The following SOS2 variants were observed in gnomAD, a reference collection of about 807,000 sequenced individuals.
SOS2 encodes the protein SOS Ras/Rho guanine nucleotide exchange factor 2.
In SOS2, 65 loss-of-function variants were observed where a neutral mutation model predicts 148.2. The ratio of observed to expected loss-of-function variants is 0.44; its 90% CI spans 0.36 to 0.54. SOS2 has a LOEUF of 0.54. SOS2 is among the 20% of genes least tolerant of loss of function. The pLI, the probability that SOS2 is intolerant of heterozygous loss-of-function variation, is 0.00. For missense variants in SOS2, 1,341 were observed against 1,590.2 expected (o/e 0.84, Z 2.67); for synonymous variants, 539 against 537.1 (o/e 1.00, Z -0.05).
chr14:50,178,670 G>GTATATATATATATATATATATA (rs1566839555), intron 7 of SOS2, among the ~76,000 whole-genome samples: 1 of 67,964 alleles, frequency 1.5e-5, no homozygotes, highest in South Asian at 4.7e-4. Flanking sequence ...GTGTGTGTGT[G>GTATATATATATATATATATATA]CATATATATA....
At chr14:50,164,197 C>T (rs1319857529) in intron 8 of SOS2, among the ~76,000 whole-genome samples, 3 of 152,084 alleles carry the variant, frequency 2.0e-5, no homozygotes, top group Non-Finnish European at 2.9e-5. Context: ...TCCCAACATA[C>T]TGGGAGGCCA....
chr14:50,168,682 G>T (rs185553895), intron 8 of SOS2, among the ~76,000 whole-genome samples: 1 of 152,068 alleles, frequency 6.6e-6, no homozygotes, highest in East Asian at 1.9e-4. Context: ...ATGCCGTTTC[G>T]TGATACTGTT....
chr14:50,123,665 G>T (rs1465525386), intron 21 of SOS2, among the ~76,000 whole-genome samples: 1 of 152,102 alleles, frequency 6.6e-6, no homozygotes, highest in Non-Finnish European at 1.5e-5. Context: ...TTACAGGGGT[G>T]AGCCACCGTA....
At chr14:50,210,143 G>T (rs1386958434) in intron 1 of SOS2, among the ~76,000 whole-genome samples, 1 of 152,130 alleles carries the variant, frequency 6.6e-6, no homozygotes, top group Non-Finnish European at 1.5e-5. Flanking sequence ...TGGTTGTCAG[G>T]ATTTATTACA....
intron 5 of SOS2, among the ~76,000 whole-genome samples, chr14:50,184,720 G>A (rs147731259): frequency 3.9e-5 from 6 of 152,066 alleles, no homozygotes; most frequent in East Asian, 1.9e-4. Context: ...AAAATTAGTC[G>A]GGTGGGGTGG....
At chr14:50,190,639 G>A (rs1886099112) in intron 4 of SOS2, among the ~76,000 whole-genome samples, 1 of 152,074 alleles carries the variant, frequency 6.6e-6, no homozygotes. Flanking sequence ...AAAAATAAAT[G>A]ATACATAAAA....
chr14:50,138,846 T>G, intron 17 of SOS2, 62 bp from the exon 18 acceptor site: 1 of 648,330 alleles, frequency 1.5e-6, no homozygotes, highest in Non-Finnish European at 2.4e-6. Context: ...TTTAATCAAT[T>G]ATTTGGGAAA....
intron 18 of SOS2, among the ~76,000 whole-genome samples, chr14:50,137,862 C>T (rs762317150): frequency 4.6e-5 from 7 of 152,066 alleles, no homozygotes; most frequent in Non-Finnish European, 1.0e-4. Flanking sequence ...TTTTTTGAGA[C>T]GGAGTCTCCC....
intron 7 of SOS2, among the ~76,000 whole-genome samples, chr14:50,176,180 C>A (rs1363599633): frequency 6.6e-6 from 1 of 152,122 alleles, no homozygotes; most frequent in Non-Finnish European, 1.5e-5. Flanking sequence ...CAAGAAAGCA[C>A]CATCTATGAA....
chr14:50,120,028 G>T (rs950057571), intron 22 of SOS2, among the ~76,000 whole-genome samples: 11 of 152,068 alleles, frequency 7.2e-5, no homozygotes, highest in Non-Finnish European at 2.9e-5. Flanking sequence ...GACCAGGCTG[G>T]TCTCGAACTC....
At chr14:50,183,680 G>C (rs1352661333) in intron 5 of SOS2, among the ~76,000 whole-genome samples, 1 of 152,194 alleles carries the variant, frequency 6.6e-6, no homozygotes, top group Non-Finnish European at 1.5e-5. Flanking sequence ...CAGAGCCCTA[G>C]GTTTTACTTA....
Position 50,159,645 on chromosome 14 carries a change from A to T in SOS2, c.1638T>A (p.Ser546Arg). ...MAALISLHYRSTLDRMLDSVL... is the reference protein window; with the variant it reads ...MAALISLHYRRTLDRMLDSVL... ...CTGAATCTAACATTCGATCTAGAGTACTACGATAATGAAGAGAAATAAGGG... is the reference window on the plus strand; with the variant it reads ...CTGAATCTAACATTCGATCTAGAGTTCTACGATAATGAAGAGAAATAAGGG... The change falls in exon 10 of 23, where the codon AGT (serine) becomes AGA (arginine). Residue 546 changes from serine (S) to arginine (R), a missense_variant. This residue lies in a region of SOS2 where 574 missense variants were observed against 711.1 expected (regional missense o/e 0.81). Coordinates refer to ENST00000216373, the MANE Select transcript of SOS2 (RefSeq NM_006939.4). 1 of 1,613,776 alleles carries T rather than the reference A, an allele frequency of 6.2e-7. No individual in the cohort carries two copies. The highest frequency in any genetic ancestry group is 8.5e-7 in the Non-Finnish European group (1 of 1,179,700).
In SOS2 at chr14:50,118,066, T is replaced by G; in HGVS notation, c.*278A>C. On this transcript the variant is annotated 3_prime_UTR_variant, in exon 23 of 23. Transcript: ENST00000216373. ...TGCAATCATGTCACTTTAAACCATA[T>G]TTTTGCAGAGTTTACAGTGCAAATA... 3.0e-6 allele frequency: 1 copy of G among 330,596 alleles called. No individual in the cohort carries two copies. Among genetic ancestry groups the G allele is most frequent in the Non-Finnish European group, 5.5e-6 (1 of 181,638 alleles). The allele number at this position is 330,596 out of a possible 1,614,324, so 20.5% of individuals were successfully genotyped here. A position where few individuals can be genotyped will look rare whatever the true frequency, so the allele number is the denominator to read the frequency against.
At chr14:50,210,042 A>C (rs1270076659) in intron 1 of SOS2, among the ~76,000 whole-genome samples, 3 of 152,238 alleles carry the variant, frequency 2.0e-5, no homozygotes, top group African/African-American at 7.2e-5. Context: ...TAAAAGTGCA[A>C]AAAGCTAAGA....
At position 50,157,022 on chromosome 14, in the gene SOS2, T is replaced by C. The variant is rs773571755; in HGVS notation, c.2034A>G (p.Glu678=). 2.5e-6 allele frequency: 4 copies of C among 1,606,736 alleles called. No individual in the cohort carries two copies. Among genetic ancestry groups the C allele is most frequent in the Admixed American group, 1.7e-5 (1 of 59,448 alleles). Residue 678 remains glutamate (E), a synonymous_variant, in exon 12 of 23, where the codon GAA becomes GAG. Transcript: ENST00000216373. ...ACCTAAGTTGTACTGGTTGGACATA[T>C]TCCTTGCGAAATCTTTTAAGGTCTG... The part of the protein sequence containing the change: ...ISADLKRFRK[E]YVQPVQLRIL...
chr14:50,134,040 T>C (rs1288422980), intron 19 of SOS2, 83 bp downstream of exon 19: 7 of 786,592 alleles, frequency 8.9e-6, no homozygotes, highest in African/African-American at 3.5e-5. Context: ...TTCAATTACA[T>C]TTTTAAGATA....
chr14:50,120,061 C>G (rs1331709168), intron 22 of SOS2, among the ~76,000 whole-genome samples: 1 of 152,112 alleles, frequency 6.6e-6, no homozygotes, highest in African/African-American at 2.4e-5. Context: ...GATCTACCCG[C>G]CTGGCATGAG....
intron 13 of SOS2, among the ~76,000 whole-genome samples, chr14:50,151,988 T>G (rs551794395): frequency 5.1e-4 from 78 of 152,270 alleles, no homozygotes; most frequent in African/African-American, 1.8e-3. Context: ...CCTCCCAAAG[T>G]GCTGGGATAT....
Position 50,117,277 on chromosome 14 carries a change from T to C in SOS2, c.*1067A>G, listed in dbSNP as rs574451053. On this transcript the variant is annotated 3_prime_UTR_variant, in exon 23 of 23. Coordinates refer to ENST00000216373, the MANE Select transcript of SOS2 (RefSeq NM_006939.4). ...ACAGCACTATCAGCAAAACACTCTA[T>C]CACTTTGAACGAAGGCATCCAAATG... 1.1e-4 allele frequency: 17 copies of C among 152,274 alleles called. No homozygotes were observed. Among genetic ancestry groups the C allele is most frequent in the African/African-American group, 4.1e-4 (17 of 41,504 alleles). 9.4% of individuals were successfully genotyped at this position (152,274 alleles called of 1,614,324 possible). A position where few individuals can be genotyped will look rare whatever the true frequency, so the allele number is the denominator to read the frequency against.
Sources: gnomAD v4.1 joint callset for allele counts (sites outside exome capture counted in the v4.1 genomes callset) on GRCh38, gnomAD v4.1.1 for gene constraint, gnomAD v4.1.1 regional missense constraint, MANE v1.5 for transcripts, NCBI Gene and HGNC (gene_info 2026-07-23, HGNC 2026-07-21) for gene names.